RBM20: variants seen among roughly 807,000 people sequenced by gnomAD.
RBM20 encodes the protein RNA-binding protein 20.
A neutral mutation model predicts 110.1 loss-of-function variants in RBM20; 51 were observed. That is an observed-to-expected ratio of 0.46 (90% CI 0.37 to 0.59). The LOEUF (loss-of-function observed/expected upper bound fraction) is 0.59. RBM20 is among the 20% of genes least tolerant of loss of function. The pLI is 0.00. For missense variants in RBM20, 1,512 were observed against 1,574.9 expected, an observed-to-expected ratio of 0.96 and a Z score of 0.68; for synonymous variants, 589 against 618.2, an observed-to-expected ratio of 0.95 and a Z score of 0.70.
Position 110,739,027 on chromosome 10 carries a change from AG to A in RBM20, c.192-41773del. The stretch of plus-strand genomic sequence containing the variant: ...CACAGCTGCTCACAATCCTTAAGGG[AG>A]TTTATCTGTAACTGAGAGAGTATGG... On this transcript the variant is annotated intron_variant, in intron 1 of 13. Transcript: ENST00000369519. The surrounding 1 kb of genome is among the most constrained non-coding windows in gnomAD (Gnocchi z 4.1). 6.6e-6 allele frequency among the ~76,000 whole-genome samples: 1 copy of A among 152,150 alleles called. No individual in the cohort carries two copies. Among genetic ancestry groups the A allele is most frequent in the South Asian group, 2.1e-4 (1 of 4,824 alleles).
intron 1 of RBM20, among the ~76,000 whole-genome samples, chr10:110,669,255 G>A (rs1334367071): frequency 2.0e-5 from 3 of 152,226 alleles, no homozygotes; most frequent in African/African-American, 4.8e-5. Flanking sequence ...TAGCCTGAGA[G>A]GGAAGCACTG....
intron 1 of RBM20, among the ~76,000 whole-genome samples, chr10:110,700,569 C>T (rs1862742764): frequency 6.6e-6 from 1 of 152,128 alleles, no homozygotes. Context: ...TCTTTAGGGA[C>T]CCAAAGTCTT....
intron 9 of RBM20, among the ~76,000 whole-genome samples, chr10:110,814,933 T>G (rs149740739): frequency 0.014 from 2,090 of 152,358 alleles, 32 homozygotes; most frequent in Middle Eastern, 0.024. Context: ...ATGACTCTGA[T>G]GCACATATAT....
At chr10:110,676,019 T>A (rs547457647) in intron 1 of RBM20, among the ~76,000 whole-genome samples, 1 of 152,308 alleles carries the variant, frequency 6.6e-6, no homozygotes, top group East Asian at 1.9e-4. Flanking sequence ...TACTTGGTAG[T>A]CACCTGCAAT....
intron 1 of RBM20, among the ~76,000 whole-genome samples, chr10:110,693,448 G>A (rs536591586): frequency 4.6e-5 from 7 of 152,002 alleles, no homozygotes; most frequent in African/African-American, 9.7e-5. Flanking sequence ...ATTTGTTATC[G>A]GTCTTTTCAT....
chr10:110,689,258 G>C (rs551992664), intron 1 of RBM20, among the ~76,000 whole-genome samples: 1 of 152,196 alleles, frequency 6.6e-6, no homozygotes, highest in Admixed American at 6.5e-5. Flanking sequence ...GCTGACTGGG[G>C]CCTCCCATGA....
At chr10:110,758,834 G>C (rs920737712) in intron 1 of RBM20, among the ~76,000 whole-genome samples, 1 of 152,150 alleles carries the variant, frequency 6.6e-6, no homozygotes, top group Non-Finnish European at 1.5e-5. Context: ...TTCAGGTAGG[G>C]AGGGCAGCTT....
chr10:110,775,154 G>A (rs967107859), intron 1 of RBM20, among the ~76,000 whole-genome samples: 22 of 152,154 alleles, frequency 1.4e-4, no homozygotes, highest in South Asian at 2.1e-4. Flanking sequence ...GACCTTCAGC[G>A]TTGCATTTAT....
chr10:110,690,836 C>T (rs143371655), intron 1 of RBM20, among the ~76,000 whole-genome samples: 42 of 150,512 alleles, frequency 2.8e-4, no homozygotes, highest in African/African-American at 9.9e-4. Context: ...CACCTTTTGG[C>T]TATTGTGAAT....
chr10:110,724,624 T>C (rs914014817), intron 1 of RBM20, among the ~76,000 whole-genome samples: 2 of 152,122 alleles, frequency 1.3e-5, no homozygotes, highest in Non-Finnish European at 2.9e-5. Context: ...CCTGCAGCCA[T>C]GGGCGTGCTG....
At chr10:110,720,008 G>T (rs1403438570) in intron 1 of RBM20, among the ~76,000 whole-genome samples, 1 of 151,820 alleles carries the variant, frequency 6.6e-6, no homozygotes, top group Admixed American at 6.6e-5. Flanking sequence ...ACGCCTTCTT[G>T]CTGTACCCTC....
At chr10:110,781,980 T>G (rs991711315) in intron 2 of RBM20, 96 bp downstream of exon 2, 29 of 1,438,000 alleles carry the variant, frequency 2.0e-5, no homozygotes, top group Non-Finnish European at 2.6e-5. Context: ...AAGGAACTGT[T>G]GCATTGGGGT....
At chr10:110,825,353 A>G (rs1373430514) in intron 12 of RBM20, among the ~76,000 whole-genome samples, 1 of 152,218 alleles carries the variant, frequency 6.6e-6, no homozygotes, top group Admixed American at 6.5e-5. Context: ...ATTAAGAATA[A>G]ATTCTGCTAC....
intron 1 of RBM20, among the ~76,000 whole-genome samples, chr10:110,682,542 T>C (rs1190670757): frequency 6.6e-6 from 1 of 152,172 alleles, no homozygotes; most frequent in Non-Finnish European, 1.5e-5. Flanking sequence ...GGGCAAAGGT[T>C]CACATTTGGT....
At chr10:110,727,143 C>CTTTTTTTT (rs57606079) in intron 1 of RBM20, among the ~76,000 whole-genome samples, 3 of 80,664 alleles carry the variant, frequency 3.7e-5, no homozygotes, top group Admixed American at 1.4e-4. Flanking sequence ...TGCACCCAGC[C>CTTTTTTTT]TTTTTTTTTT....
intron 1 of RBM20, among the ~76,000 whole-genome samples, chr10:110,663,317 C>T (rs907835729): frequency 6.6e-6 from 1 of 152,076 alleles, no homozygotes; most frequent in Non-Finnish European, 1.5e-5. Flanking sequence ...CACCCTGATA[C>T]GTAGAACACA....
intron 1 of RBM20, among the ~76,000 whole-genome samples, chr10:110,663,004 G>A (rs546982254): frequency 5.3e-5 from 8 of 150,774 alleles, no homozygotes; most frequent in South Asian, 4.2e-4. Flanking sequence ...TCACACTGTC[G>A]CCCAGGCTGG....
At position 110,832,878 on chromosome 10, in the gene RBM20, C is replaced by T. The variant is rs118036795; in HGVS notation, c.3573+1696C>T. On this transcript the variant is annotated intron_variant, in intron 13 of 13. Transcript: ENST00000369519. ...TGTGGCCCAGGGCTAGGCCTCTCCT[C>T]GGGCAAGGCAAGAAAGGCCTGACTT... Among the ~76,000 whole-genome samples, 1,030 of 152,274 alleles carry T rather than the reference C, an allele frequency of 6.8e-3. 15 individuals are homozygous for T. The highest frequency in any genetic ancestry group is 7.0e-3 in the Non-Finnish European group (474 of 68,022).
chr10:110,665,247 G>C (rs1343597759), intron 1 of RBM20, among the ~76,000 whole-genome samples: 1 of 152,128 alleles, frequency 6.6e-6, no homozygotes, highest in African/African-American at 2.4e-5. Flanking sequence ...GCAACCCCTG[G>C]TGAATAATGA....
Sources: gnomAD v4.1 joint callset for allele counts (sites outside exome capture counted in the v4.1 genomes callset) on GRCh38, gnomAD v4.1.1 for gene constraint, Gnocchi (gnomAD v3.1) non-coding constraint, MANE v1.5 for transcripts, NCBI Gene and HGNC (gene_info 2026-07-23, HGNC 2026-07-21) for gene names.